Variants in DYSF observed in about 807,000 individuals in gnomAD.
DYSF encodes dysferlin, also known as dystrophy-associated fer-1-like 1.
DYSF carries 212 observed loss-of-function variants against 274.9 expected under a neutral mutation model. The ratio of observed to expected loss-of-function variants is 0.77; its 90% CI spans 0.69 to 0.86. The LOEUF is 0.86. Ranked by LOEUF, DYSF falls within the 40% of genes least tolerant of loss-of-function variation. DYSF has a pLI of 0.00. For missense variants in DYSF, 2,666 were observed against 2,783.2 expected (o/e 0.96, Z 0.95); for synonymous variants, 1,091 against 1,078.7 (o/e 1.01, Z -0.22).
chr2:71,595,568 C>G (rs142734992), intron 32 of DYSF, among the ~76,000 whole-genome samples: 276 of 152,302 alleles, frequency 1.8e-3, no homozygotes, highest in Non-Finnish European at 3.5e-3. Flanking sequence ...CCCGGAGCTC[C>G]AGGAAGGTTG....
At chr2:71,559,736 A>G (rs2091596460) in intron 22 of DYSF, among the ~76,000 whole-genome samples, 1 of 152,140 alleles carries the variant, frequency 6.6e-6, no homozygotes, top group African/African-American at 2.4e-5. Context: ...GCTCAGGGCC[A>G]CTTCCTCCAG....
intron 12 of DYSF, among the ~76,000 whole-genome samples, chr2:71,523,945 A>C (rs147861317): frequency 6.6e-6 from 1 of 152,266 alleles, no homozygotes; most frequent in Non-Finnish European, 1.5e-5. Flanking sequence ...CAAGATCCTT[A>C]GCATGACATT....
At chr2:71,631,038 C>T (rs2094304954) in intron 41 of DYSF, among the ~76,000 whole-genome samples, 1 of 152,196 alleles carries the variant, frequency 6.6e-6, no homozygotes, top group Non-Finnish European at 1.5e-5. Flanking sequence ...AGCCCTATTT[C>T]CCTTAATTCC....
chr2:71,622,395 T>C (rs1558652750), intron 41 of DYSF, among the ~76,000 whole-genome samples: 1 of 152,234 alleles, frequency 6.6e-6, no homozygotes, highest in Non-Finnish European at 1.5e-5. Context: ...AAGATTGTTT[T>C]CTTCAAATAA....
intron 3 of DYSF, among the ~76,000 whole-genome samples, chr2:71,496,153 A>C (rs190312736): frequency 6.6e-6 from 1 of 151,972 alleles, no homozygotes; most frequent in East Asian, 2.0e-4. Context: ...TGATACTTTA[A>C]CCCATCTGAA....
At chr2:71,508,957 A>G (rs2085787716) in intron 4 of DYSF, among the ~76,000 whole-genome samples, 1 of 152,136 alleles carries the variant, frequency 6.6e-6, no homozygotes, top group African/African-American at 2.4e-5. Context: ...GGTTCAACCA[A>G]TCCTCCCACC....
intron 4 of DYSF, among the ~76,000 whole-genome samples, chr2:71,503,978 T>A (rs998110623): frequency 6.6e-6 from 1 of 152,164 alleles, no homozygotes; most frequent in Non-Finnish European, 1.5e-5. Context: ...CCAGGAACCA[T>A]GGATTGGAAC....
In DYSF at chr2:71,611,255, C is replaced by A. The variant is rs116426399; in HGVS notation, c.3968C>A (p.Thr1323Lys). The A allele has an allele frequency of 3.5e-4, 558 of 1,613,568 alleles. No individual in the cohort carries two copies. In the African/African-American group the frequency reaches 6.5e-3, roughly 19 times the overall value. The change falls in exon 37 of 56, where the codon ACA becomes AAA. Residue 1323 changes from threonine (T) to lysine (K), a missense_variant. Thr to Lys is a moderately conservative substitution (Grantham distance 78). Transcript: ENST00000410020. The part of the protein sequence containing the change: ...TSRILDESED[T>K]DLPYPPPQRE... ...TGCTGTCCACTGCAGTCTGAGGACA[C>A]AGACCTGCCCTACCCACCACCCCAG...
intron 24 of DYSF, 58 bp downstream of exon 24, chr2:71,564,271 C>T: frequency 6.2e-7 from 1 of 1,604,088 alleles, no homozygotes; most frequent in East Asian, 2.2e-5. Flanking sequence ...AGGCCTTTCT[C>T]CCATCTCTTC....
In DYSF at chr2:71,611,560, G is replaced by A. The variant is rs781656007; in HGVS notation, c.4155G>A (p.Gln1385=). 4.3e-6 allele frequency: 7 copies of A among 1,613,966 alleles called. No individual in the cohort carries two copies. The highest frequency in any genetic ancestry group is 3.3e-4 in the Middle Eastern group (2 of 6,084). Residue 1385 remains glutamine (Q), a synonymous_variant, in exon 38 of 56, where the codon CAG becomes CAA. Coordinates refer to ENST00000410020, the MANE Select transcript of DYSF (RefSeq NM_001130987.2). Reference sequence around the variant, plus strand: ...TAGAGTGTGGGGGCCAGACGGTGCAGTCCTGTGTCATCAGGAACCTCCGGA... The same window carrying A: ...TAGAGTGTGGGGGCCAGACGGTGCAATCCTGTGTCATCAGGAACCTCCGGA... The part of the protein sequence containing the change: ...LVVECGGQTV[Q]SCVIRNLRKN...
At chr2:71,550,461 G>C in intron 17 of DYSF, among the ~76,000 whole-genome samples, 1 of 152,218 alleles carries the variant, frequency 6.6e-6, no homozygotes, top group East Asian at 1.9e-4. Context: ...TTAGGGCAGA[G>C]GGTATGTGCC....
chr2:71,560,420 C>CCAGCACAGGGCTCCGGCCCAGGCCCCCCG (rs894422509), intron 22 of DYSF, among the ~76,000 whole-genome samples: 1 of 149,896 alleles, frequency 6.7e-6, no homozygotes, highest in African/African-American at 2.5e-5. Flanking sequence ...CAGGCAGGCC[C>CCAGCACAGGGCTCCGGCCCAGGCCCCCCG]CCGCCCCGCT....
At chr2:71,493,198 C>A (rs2084027300) in intron 3 of DYSF, among the ~76,000 whole-genome samples, 1 of 152,092 alleles carries the variant, frequency 6.6e-6, no homozygotes, top group South Asian at 2.1e-4. Context: ...TGATACCATA[C>A]TTTTATCTAA....
Position 71,600,735 on chromosome 2 carries a change from C to T in DYSF, c.3790C>T (p.Gln1264Ter). 1 of 1,614,126 alleles carries T rather than the reference C, an allele frequency of 6.2e-7. No individual in the cohort carries two copies. Among genetic ancestry groups the T allele is most frequent in the Non-Finnish European group, 8.5e-7 (1 of 1,180,042 alleles). ...CGAGTTTATGGGTCGCTGCATCTGT[C>T]AACCGAGTCTGGAACGGATGCCACG... ...ADEFMGRCIC[Q>*]PSLERMPRLA... Residue 1264 changes from glutamine to a stop codon, truncating the protein, a stop_gained, in exon 34 of 56, where the codon CAA becomes TAA. Coordinates refer to ENST00000410020, the MANE Select transcript of DYSF (RefSeq NM_001130987.2). LOFTEE classifies it high-confidence loss of function.
chr2:71,520,712 C>A, intron 11 of DYSF, 77 bp from the exon 12 acceptor site: 1 of 1,286,232 alleles, frequency 7.8e-7, no homozygotes, highest in Non-Finnish European at 1.1e-6. Flanking sequence ...CTGTGCAGTC[C>A]ATCCTGGGTT....
chr2:71,477,249 T>C (rs1453062608), intron 1 of DYSF, among the ~76,000 whole-genome samples: 1 of 151,734 alleles, frequency 6.6e-6, no homozygotes, highest in Non-Finnish European at 1.5e-5. Context: ...GGGGAGAGGG[T>C]GCAACATCGC....
chr2:71,613,336 G>A lies in DYSF; in HGVS notation c.4390G>A (p.Asp1464Asn), dbSNP rs927765259. The A allele has an allele frequency of 6.8e-6, 11 of 1,612,654 alleles. No homozygotes were observed. Among genetic ancestry groups the A allele is most frequent in the Non-Finnish European group, 9.3e-6 (11 of 1,179,486 alleles). ...CTGGATGGCTCCCTCCCCTGCAGAC[G>A]ATGTGAGCCTACTCAGTCCTGGGGA... ...ESPSPQGGPDDVSLLSPGEDV... is the reference protein window; with the variant it reads ...ESPSPQGGPDNVSLLSPGEDV... Residue 1464 changes from aspartate (D) to asparagine (N), a missense_variant and splice_region_variant, in exon 40 of 56, where the codon GAT becomes AAT. Transcript: ENST00000410020.
chr2:71,603,376 A>G (rs927294393), intron 36 of DYSF, among the ~76,000 whole-genome samples: 1 of 152,110 alleles, frequency 6.6e-6, no homozygotes, highest in Admixed American at 6.5e-5. Flanking sequence ...CACGTTCCCT[A>G]TGGCCTCCTG....
intron 42 of DYSF, among the ~76,000 whole-genome samples, chr2:71,648,815 T>C (rs1203464292): frequency 6.6e-6 from 1 of 152,204 alleles, no homozygotes; most frequent in Non-Finnish European, 1.5e-5. Context: ...CATTTTTTCG[T>C]AACAGCATTC....
Sources: allele counts gnomAD v4.1 joint callset (sites outside exome capture counted in the v4.1 genomes callset), GRCh38; gene constraint gnomAD v4.1.1; transcripts MANE v1.5; gene names NCBI Gene and HGNC (gene_info 2026-07-23, HGNC 2026-07-21).